The following APBB2 variants were observed in gnomAD, a reference collection of about 807,000 sequenced individuals.
APBB2 encodes the protein Fe65-like 1.
In APBB2, 38 loss-of-function variants were observed where a neutral mutation model predicts 82.5. The ratio of observed to expected loss-of-function variants is 0.46; its 90% CI spans 0.36 to 0.60. The LOEUF is 0.60. APBB2 is among the 20% of genes least tolerant of loss of function. The probability of loss-of-function intolerance (pLI) is 0.00; values close to 1 mark genes in which losing one functional copy is unlikely to be tolerated. For synonymous variants in APBB2, 341 were observed against 368.2 expected, an observed-to-expected ratio of 0.93 and a Z score of 0.85; for missense variants, 772 against 972.3, an observed-to-expected ratio of 0.79 and a Z score of 2.74.
At chr4:40,839,982 T>C (rs1052008317) in intron 12 of APBB2, among the ~76,000 whole-genome samples, 1 of 152,202 alleles carries the variant, frequency 6.6e-6, no homozygotes, top group Non-Finnish European at 1.5e-5. Flanking sequence ...GGGTGTTTTT[T>C]AATAAATATT....
chr4:41,120,954 G>C (rs1042520520), intron 2 of APBB2, among the ~76,000 whole-genome samples: 2 of 152,200 alleles, frequency 1.3e-5, no homozygotes, highest in Admixed American at 1.3e-4. Flanking sequence ...CTAATTCAGG[G>C]TGTTAACTTC....
intron 4 of APBB2, among the ~76,000 whole-genome samples, chr4:41,052,953 C>T (rs1379976436): frequency 5.3e-5 from 8 of 151,850 alleles, no homozygotes; most frequent in Admixed American, 1.3e-4. Flanking sequence ...TTGGTAGTGA[C>T]GGGGTTTCAC....
rs577190371 is a variant in APBB2, at chr4:41,110,352, C to T, written c.-260-9602G>A. ...GGACACGGTGGCTCACGCTTATAAT[C>T]CCAGCACTTTGGGAGACTGAGGAGG... On this transcript the variant is annotated intron_variant, in intron 2 of 17. Transcript: ENST00000508593. Among the ~76,000 whole-genome samples the T allele has an allele frequency of 1.4e-4, 21 of 152,252 alleles. No individual in the cohort carries two copies. The East Asian group carries it at 3.7e-3, about 27-fold the overall frequency.
intron 4 of APBB2, among the ~76,000 whole-genome samples, chr4:41,034,814 G>A (rs1174533336): frequency 1.3e-5 from 2 of 152,198 alleles, no homozygotes; most frequent in East Asian, 1.9e-4. Flanking sequence ...AGAAATACTG[G>A]TAAGCTGCCA....
chr4:40,890,314 G>T lies in APBB2; in HGVS notation c.1529+50C>A, dbSNP rs1242730455. 6.3e-7 allele frequency: 1 copy of T among 1,583,086 alleles called. No homozygotes were observed. The highest frequency in any genetic ancestry group is 8.6e-7 in the Non-Finnish European group (1 of 1,163,500). ...GAGCCCATGCTTTGGTGTTCAGCTA[G>T]ACCAGGGACACGGGTGAGGTGACCC... On this transcript the variant is annotated intron_variant, in intron 12 of 17. Coordinates refer to ENST00000508593, the MANE Select transcript of APBB2 (RefSeq NM_004307.2).
intron 15 of APBB2, among the ~76,000 whole-genome samples, chr4:40,824,516 G>A (rs1749191068): frequency 6.6e-6 from 1 of 152,066 alleles, no homozygotes; most frequent in African/African-American, 2.4e-5. Flanking sequence ...GAGACAGGGT[G>A]TTGCTCTGTC....
At chr4:40,992,364 G>GC (rs1553899644) in intron 6 of APBB2, among the ~76,000 whole-genome samples, 1 of 145,234 alleles carries the variant, frequency 6.9e-6, no homozygotes, top group Non-Finnish European at 1.5e-5. Context: ...GTAGAGATGG[G>GC]GGGGGGTCTT....
intron 4 of APBB2, among the ~76,000 whole-genome samples, chr4:41,050,189 AAGC>A (rs1725429751): frequency 1.3e-5 from 2 of 152,372 alleles, no homozygotes; most frequent in East Asian, 3.9e-4. Flanking sequence ...AACATACAAA[AAGC>A]AATTTAATAT....
At chr4:41,014,576 C>T in intron 5 of APBB2, 178 bp from the exon 6 acceptor site, 2 of 664,130 alleles carry the variant, frequency 3.0e-6, no homozygotes, top group South Asian at 2.1e-5. Context: ...TAAACAGGAG[C>T]AAATAAAGGG....
chr4:40,925,808 T>C (rs1403312589), intron 10 of APBB2, among the ~76,000 whole-genome samples: 2 of 152,220 alleles, frequency 1.3e-5, no homozygotes, highest in Non-Finnish European at 2.9e-5. Flanking sequence ...TAGCTGCTAA[T>C]ATAATTACTT....
chr4:40,984,953 A>T (rs1409508491), intron 6 of APBB2, among the ~76,000 whole-genome samples: 1 of 151,710 alleles, frequency 6.6e-6, no homozygotes, highest in Non-Finnish European at 1.5e-5. Flanking sequence ...ACAGGGTCTC[A>T]CTCTCTTGCC....
At chr4:41,207,691 G>A (rs1276093528) in intron 1 of APBB2, 1 of 152,040 alleles carries the variant, frequency 6.6e-6, no homozygotes, top group Non-Finnish European at 1.5e-5. Flanking sequence ...ACAGTTCCTA[G>A]GACCTTGGGT....
intron 10 of APBB2, among the ~76,000 whole-genome samples, chr4:40,915,480 C>T (rs970839123): frequency 1.3e-5 from 2 of 152,138 alleles, no homozygotes; most frequent in Admixed American, 6.5e-5. Flanking sequence ...TGTATATCTG[C>T]GAAGTTGGCC....
At chr4:41,193,184 T>C (rs1023479544) in intron 1 of APBB2, among the ~76,000 whole-genome samples, 1 of 152,242 alleles carries the variant, frequency 6.6e-6, no homozygotes, top group Non-Finnish European at 1.5e-5. Flanking sequence ...AACCAAAGCA[T>C]ATTTATTTAA....
At chr4:40,844,523 ACAGT>A (rs1193227930) in intron 12 of APBB2, among the ~76,000 whole-genome samples, 1 of 152,208 alleles carries the variant, frequency 6.6e-6, no homozygotes, top group Admixed American at 6.5e-5. Flanking sequence ...CCACGGAAGG[ACAGT>A]CACCTGGGGG....
At chr4:41,087,675 C>T (rs148508720) in intron 3 of APBB2, among the ~76,000 whole-genome samples, 4 of 152,104 alleles carry the variant, frequency 2.6e-5, no homozygotes, top group South Asian at 4.2e-4. Context: ...GTGATCTTCC[C>T]GCCTCAGCCT....
At chr4:41,028,897 C>A (rs1715561542) in intron 5 of APBB2, among the ~76,000 whole-genome samples, 1 of 152,192 alleles carries the variant, frequency 6.6e-6, no homozygotes, top group South Asian at 2.1e-4. Context: ...TGTGGTTAAA[C>A]CTGGCTTTCC....
chr4:41,190,903 G>A (rs1774245664), intron 1 of APBB2, among the ~76,000 whole-genome samples: 1 of 152,212 alleles, frequency 6.6e-6, no homozygotes, highest in African/African-American at 2.4e-5. Flanking sequence ...GACCAACGCT[G>A]GTCTGCTGTT....
In APBB2 at chr4:40,814,052, G is replaced by A. The variant is rs1745001354; in HGVS notation, c.*2040C>T. ...GTCCCCCACCCCTCATGAATTCTGAGGGAATGGCAGGTAGAAAAGCCACCC... is the reference window on the plus strand; with the variant it reads ...GTCCCCCACCCCTCATGAATTCTGAAGGAATGGCAGGTAGAAAAGCCACCC... On this transcript the variant is annotated 3_prime_UTR_variant, in exon 18 of 18. Transcript: ENST00000508593. 1 of 152,172 alleles carries A rather than the reference G, an allele frequency of 6.6e-6. No individual in the cohort carries two copies. Among genetic ancestry groups the A allele is most frequent in the African/African-American group, 2.4e-5 (1 of 41,430 alleles). The allele number at this position is 152,172 out of a possible 1,614,324, so 9.4% of individuals were successfully genotyped here.
Sources: gnomAD v4.1 joint callset for allele counts (sites outside exome capture counted in the v4.1 genomes callset) on GRCh38, gnomAD v4.1.1 for gene constraint, MANE v1.5 for transcripts, NCBI Gene and HGNC (gene_info 2026-07-23, HGNC 2026-07-21) for gene names.